CPNE5: variants seen among roughly 807,000 people sequenced by gnomAD.
The protein encoded by CPNE5 is copine 5.
In CPNE5, 42 loss-of-function variants were observed where a neutral mutation model predicts 81.1. The observed-to-expected ratio is 0.52, with a 90% CI of 0.40 to 0.67. The LOEUF is 0.67. Ranked by LOEUF, CPNE5 falls within the 30% of genes least tolerant of loss-of-function variation. The pLI, the probability that CPNE5 is intolerant of heterozygous loss-of-function variation, is 0.00. For missense variants in CPNE5, 612 were observed against 815.5 expected (o/e 0.75, Z 3.04); for synonymous variants, 313 against 321.5 (o/e 0.97, Z 0.28).
At chr6:36,809,349 G>A (rs917348690) in intron 3 of CPNE5, among the ~76,000 whole-genome samples, 1 of 152,100 alleles carries the variant, frequency 6.6e-6, no homozygotes, top group Non-Finnish European at 1.5e-5. Flanking sequence ...TGGGAGGCAG[G>A]AGGATCGCTT....
chr6:36,776,674 A>G (rs1239216974), intron 9 of CPNE5, among the ~76,000 whole-genome samples: 1 of 152,118 alleles, frequency 6.6e-6, no homozygotes, highest in East Asian at 1.9e-4. Flanking sequence ...GCAGCCTCCC[A>G]TCTCTGGAAC....
Position 36,823,043 on chromosome 6 carries a change from C to T in CPNE5, c.136+15G>A, listed in dbSNP as rs55845536. The T allele has an allele frequency of 0.022, 34,777 of 1,558,104 alleles. 491 individuals carry two copies. Among genetic ancestry groups the T allele is most frequent in the Non-Finnish European group, 0.027 (31,213 of 1,148,964 alleles). On this transcript the variant is annotated intron_variant, in intron 2 of 20. Transcript: ENST00000244751. Reference sequence around the variant, plus strand: ...CCGCTATTGTTACCGTTCTTATTGTCAGAGCAGGACTTACGTGGGTCGGAC... The same window carrying T: ...CCGCTATTGTTACCGTTCTTATTGTTAGAGCAGGACTTACGTGGGTCGGAC...
chr6:36,761,535 A>G (rs1766027066), intron 12 of CPNE5, among the ~76,000 whole-genome samples: 1 of 152,194 alleles, frequency 6.6e-6, no homozygotes, highest in African/African-American at 2.4e-5. Flanking sequence ...TCAGTGATGG[A>G]ACTCAAGGCC....
At chr6:36,759,398 C>T (rs111957494) in intron 12 of CPNE5, among the ~76,000 whole-genome samples, 12,231 of 151,522 alleles carry the variant, frequency 0.081, 550 homozygotes, top group East Asian at 0.17. Flanking sequence ...CTCCCTTCTT[C>T]TTGGTGGTCA....
At chr6:36,794,809 T>C (rs1477144049) in intron 6 of CPNE5, among the ~76,000 whole-genome samples, 160 bp from the exon 7 acceptor site, 1 of 152,164 alleles carries the variant, frequency 6.6e-6, no homozygotes, top group African/African-American at 2.4e-5. Flanking sequence ...GAGTCCTTCT[T>C]CTGGGCAAAT....
chr6:36,778,329 A>G (rs1026147214), intron 9 of CPNE5, among the ~76,000 whole-genome samples: 1 of 152,192 alleles, frequency 6.6e-6, no homozygotes, highest in African/African-American at 2.4e-5. Context: ...TAGGGGCTTC[A>G]AAGTCTGGAG....
At chr6:36,775,241 A>G (rs1454897778) in intron 9 of CPNE5, among the ~76,000 whole-genome samples, 176 bp from the exon 10 acceptor site, 1 of 152,216 alleles carries the variant, frequency 6.6e-6, no homozygotes, top group Non-Finnish European at 1.5e-5. Context: ...CTAGGCGGCC[A>G]TTTGCTGGAG....
chr6:36,762,887 C>A (rs751323047), intron 12 of CPNE5, 30 bp downstream of exon 12: 1 of 1,597,528 alleles, frequency 6.3e-7, no homozygotes, highest in South Asian at 1.1e-5. Context: ...CTTAGTAGTG[C>A]AAACCCTGGA....
chr6:36,799,181 T>A lies in CPNE5; in HGVS notation c.288-687A>T, dbSNP rs558940139. 1.2e-4 allele frequency among the ~76,000 whole-genome samples: 18 copies of A among 152,212 alleles called. No individual in the cohort carries two copies. In the South Asian group the frequency reaches 3.7e-3, roughly 32 times the overall value. On this transcript the variant is annotated intron_variant, in intron 4 of 20. Coordinates refer to ENST00000244751, the MANE Select transcript of CPNE5 (RefSeq NM_020939.2). ...GCCAAACAGCCATGCCAGGCCCAGA[T>A]GACTCCTGCTGAGGGATGGTCACTC...
rs1249825480 is a variant in CPNE5, at chr6:36,746,415, ACT to A, written c.1179_1180del (p.Arg393SerfsTer69). 2 of 1,610,042 alleles carry A rather than the reference ACT, an allele frequency of 1.2e-6. No individual in the cohort carries two copies. The highest frequency in any genetic ancestry group is 2.2e-5 in the South Asian group (2 of 90,974). ...ACCTACCAGTGGGAACTCGTGGGAC[ACT>A]CTGCCATCCGGGGGCAGCTTGGCCC... On this transcript the variant is annotated frameshift_variant, in exon 16 of 21. Transcript: ENST00000244751. LOFTEE classifies it high-confidence loss of function. This position sits in a 1 kb window ranked among gnomAD's most constrained non-coding sequence, Gnocchi z 4.5.
chr6:36,779,492 C>T (rs1394276777), intron 8 of CPNE5, among the ~76,000 whole-genome samples: 1 of 152,210 alleles, frequency 6.6e-6, no homozygotes, highest in Admixed American at 6.5e-5. Context: ...CCACCTCACA[C>T]CTATGTGTGG....
At chr6:36,809,870 A>ATCC (rs745492728) in intron 3 of CPNE5, among the ~76,000 whole-genome samples, 10 of 150,926 alleles carry the variant, frequency 6.6e-5, no homozygotes, top group Non-Finnish European at 1.5e-4. Flanking sequence ...CTTCCACCCG[A>ATCC]TCCTCCTCCT....
intron 1 of CPNE5, among the ~76,000 whole-genome samples, chr6:36,828,585 C>T (rs1273434353): frequency 6.6e-6 from 1 of 152,206 alleles, no homozygotes; most frequent in Non-Finnish European, 1.5e-5. Context: ...AAACATTTTC[C>T]TGGGGCAGGA....
chr6:36,794,746 G>A (rs1315942724), intron 6 of CPNE5, 97 bp from the exon 7 acceptor site: 7 of 1,088,558 alleles, frequency 6.4e-6, no homozygotes, highest in Middle Eastern at 2.0e-4. Flanking sequence ...GGAGACAAGC[G>A]GCTGCTCTGG....
At chr6:36,799,849 G>T in intron 4 of CPNE5, 118 bp downstream of exon 4, 1 of 724,222 alleles carries the variant, frequency 1.4e-6, no homozygotes. Context: ...TCTATCCCAG[G>T]CCAACCCTGG....
chr6:36,788,641 A>G (rs75784530), intron 8 of CPNE5, among the ~76,000 whole-genome samples: 3,560 of 147,488 alleles, frequency 0.024, 78 homozygotes, highest in African/African-American at 0.061. Context: ...AGGCAGTAAC[A>G]ATCGTTTTAC....
At chr6:36,782,307 A>G (rs1182563026) in intron 8 of CPNE5, among the ~76,000 whole-genome samples, 2 of 152,098 alleles carry the variant, frequency 1.3e-5, no homozygotes, top group Non-Finnish European at 1.5e-5. Flanking sequence ...AAATGCATAC[A>G]CTTGAAACAA....
intron 14 of CPNE5, among the ~76,000 whole-genome samples, chr6:36,751,423 G>A (rs902658451): frequency 1.3e-5 from 2 of 152,232 alleles, no homozygotes; most frequent in Admixed American, 1.3e-4. Context: ...GGCAAGCTCT[G>A]TAAAATGGGG....
chr6:36,747,912 G>C (rs969790152), intron 15 of CPNE5, among the ~76,000 whole-genome samples: 4 of 152,200 alleles, frequency 2.6e-5, no homozygotes, highest in Non-Finnish European at 5.9e-5. Context: ...GCTGGGATTT[G>C]ATCCCGGGGG....
Sources: gnomAD v4.1 joint callset for allele counts (sites outside exome capture counted in the v4.1 genomes callset) on GRCh38, gnomAD v4.1.1 for gene constraint, Gnocchi (gnomAD v3.1) non-coding constraint, MANE v1.5 for transcripts, NCBI Gene and HGNC (gene_info 2026-07-23, HGNC 2026-07-21) for gene names.